Variants in HBS1L observed in about 807,000 individuals in gnomAD.
The protein encoded by HBS1L is HBS1 like translational GTPase, also known as HBS1-like protein.
Under a neutral mutation model 88.9 loss-of-function variants are expected in HBS1L, and 55 were observed. The ratio of observed to expected loss-of-function variants is 0.62; its 90% CI spans 0.50 to 0.77. The LOEUF is 0.77. Among genes scored for constraint, HBS1L ranks in the 30% least tolerant of loss-of-function variants. HBS1L has a pLI of 0.00. For synonymous variants in HBS1L, 267 were observed against 288.5 expected, an observed-to-expected ratio of 0.93 and a Z score of 0.76; for missense variants, 741 against 829.3, an observed-to-expected ratio of 0.89 and a Z score of 1.31.
intron 4 of HBS1L, among the ~76,000 whole-genome samples, chr6:135,029,209 G>GA (rs1356931403): frequency 2.6e-5 from 4 of 151,958 alleles, no homozygotes; most frequent in African/African-American, 9.6e-5. Flanking sequence ...AAACCCTTAA[G>GA]AAAAAAAGCT....
intron 3 of HBS1L, 121 bp downstream of exon 3, chr6:135,041,880 A>C: frequency 1.3e-6 from 1 of 778,432 alleles, no homozygotes. Flanking sequence ...TTGAATATGA[A>C]AGATATGTTT....
At chr6:134,978,868 A>C in intron 14 of HBS1L, 81 bp from the exon 15 acceptor site, 1 of 842,624 alleles carries the variant, frequency 1.2e-6, no homozygotes, top group Non-Finnish European at 1.9e-6. Flanking sequence ...AACATTTACA[A>C]GGAAAGTAAA....
At chr6:135,040,196 T>C (rs1299876943) in intron 3 of HBS1L, among the ~76,000 whole-genome samples, 1 of 152,206 alleles carries the variant, frequency 6.6e-6, no homozygotes, top group Non-Finnish European at 1.5e-5. Context: ...CTCAAGCTGC[T>C]ACCTTAAGTT....
At chr6:135,028,900 T>C (rs1350085565) in intron 4 of HBS1L, among the ~76,000 whole-genome samples, 1 of 152,060 alleles carries the variant, frequency 6.6e-6, no homozygotes, top group Non-Finnish European at 1.5e-5. Flanking sequence ...ACAAGCTGTT[T>C]CTAAAGCTCA....
intron 4 of HBS1L, among the ~76,000 whole-genome samples, chr6:135,004,557 G>A (rs1775557198): frequency 1.3e-5 from 2 of 152,124 alleles, no homozygotes; most frequent in Non-Finnish European, 2.9e-5. Flanking sequence ...GGCAGGGCCA[G>A]ACAGTGCAGG....
intron 4 of HBS1L, chr6:135,037,277 A>C: frequency 6.4e-7 from 1 of 1,552,028 alleles, no homozygotes; most frequent in Non-Finnish European, 8.7e-7. Context: ...AGGTCAGATA[A>C]AGTAAAGCAC....
intron 4 of HBS1L, among the ~76,000 whole-genome samples, chr6:135,028,490 A>G (rs1583134689): frequency 7.4e-6 from 1 of 135,634 alleles, no homozygotes; most frequent in South Asian, 2.3e-4. Flanking sequence ...AAAAAGATAA[A>G]TCCTATCATA....
chr6:135,006,879 TG>T lies in HBS1L; in HGVS notation c.431-4038del, dbSNP rs535553649. Among the ~76,000 whole-genome samples the T allele has an allele frequency of 1.3e-4, 20 of 151,972 alleles. No individual in the cohort carries two copies. The South Asian group carries it at 2.7e-3, about 21-fold the overall frequency. On this transcript the variant is annotated intron_variant, in intron 4 of 17. Transcript: ENST00000367837. ...CTGATTACAACAAGGAAAAGTGGCA[TG>T]GGGGATTCTGGCCTCTGTCAAAAGA...
intron 4 of HBS1L, among the ~76,000 whole-genome samples, chr6:135,038,908 C>T (rs9376084): frequency 0.15 from 22,627 of 151,966 alleles, 1,867 homozygotes; most frequent in East Asian, 0.27. Flanking sequence ...TTTCCTTTTC[C>T]TATCTCATCA....
intron 4 of HBS1L, among the ~76,000 whole-genome samples, chr6:135,034,410 G>A (rs142776953): frequency 0.014 from 2,164 of 152,260 alleles, 65 homozygotes; most frequent in African/African-American, 0.048. Context: ...TCGGGAGGCC[G>A]AGGTGGGCGG....
intron 4 of HBS1L, among the ~76,000 whole-genome samples, chr6:135,024,453 A>G (rs1358651430): frequency 6.7e-6 from 1 of 149,994 alleles, no homozygotes; most frequent in African/African-American, 2.4e-5. Flanking sequence ...AAAAAAAAAA[A>G]AAAAAAAAAC....
intron 2 of HBS1L, among the ~76,000 whole-genome samples, chr6:135,043,477 C>T (rs572507147): frequency 1.4e-4 from 22 of 152,242 alleles, no homozygotes; most frequent in African/African-American, 4.8e-4. Context: ...ATAGATAATG[C>T]ATAGAACATA....
chr6:135,008,525 G>T (rs1264336662), intron 4 of HBS1L, among the ~76,000 whole-genome samples: 2 of 152,214 alleles, frequency 1.3e-5, no homozygotes, highest in Non-Finnish European at 2.9e-5. Flanking sequence ...CCCTTGAGAA[G>T]CTGCTTTCCC....
At chr6:135,040,934 T>G (rs1201788907) in intron 3 of HBS1L, among the ~76,000 whole-genome samples, 1 of 152,082 alleles carries the variant, frequency 6.6e-6, no homozygotes, top group Non-Finnish European at 1.5e-5. Context: ...TTTGTAATCC[T>G]CATAATAAGT....
At chr6:135,009,648 T>C (rs961235831) in intron 4 of HBS1L, among the ~76,000 whole-genome samples, 1 of 152,190 alleles carries the variant, frequency 6.6e-6, no homozygotes, top group Non-Finnish European at 1.5e-5. Context: ...ATTCTTTTTT[T>C]TTTGAGACGG....
At chr6:135,046,913 A>G (rs1253736086) in intron 2 of HBS1L, among the ~76,000 whole-genome samples, 1 of 152,170 alleles carries the variant, frequency 6.6e-6, no homozygotes, top group Non-Finnish European at 1.5e-5. Flanking sequence ...GAGGAAAGTA[A>G]GTTTCTTATC....
intron 2 of HBS1L, among the ~76,000 whole-genome samples, chr6:135,049,204 G>C (rs1333202796): frequency 9.2e-5 from 14 of 152,174 alleles, no homozygotes; most frequent in Admixed American, 7.9e-4. Flanking sequence ...TCTGTGTGTG[G>C]TGAACACCCG....
intron 1 of HBS1L, among the ~76,000 whole-genome samples, chr6:135,050,966 G>A (rs1190234109): frequency 6.6e-6 from 1 of 152,172 alleles, no homozygotes; most frequent in Non-Finnish European, 1.5e-5. Flanking sequence ...GGTGGCTTAC[G>A]CCTGTAATCC....
chr6:135,044,764 C>T lies in HBS1L; in HGVS notation c.110-2638G>A, dbSNP rs188731743. 2.0e-3 allele frequency among the ~76,000 whole-genome samples: 307 copies of T among 152,260 alleles called. 1 individual carries two copies. The highest frequency in any genetic ancestry group is 7.3e-3 in the African/African-American group (303 of 41,556). On this transcript the variant is annotated intron_variant, in intron 2 of 17. Transcript: ENST00000367837. ...TCGTCTAAAAGTAACAAACATCCTT[C>T]CCCCAACTTCTCCTCCTACCCATGA...
Sources: gnomAD v4.1 joint callset for allele counts (sites outside exome capture counted in the v4.1 genomes callset) on GRCh38, gnomAD v4.1.1 for gene constraint, MANE v1.5 for transcripts, NCBI Gene and HGNC (gene_info 2026-07-23, HGNC 2026-07-21) for gene names.